Variants in UBR2 observed in about 807,000 individuals in gnomAD.
The protein encoded by UBR2 is E3 ubiquitin-protein ligase UBR2.
Under a neutral mutation model 247.9 loss-of-function variants are expected in UBR2, and 92 were observed. That is an observed-to-expected ratio of 0.37 (90% CI 0.31 to 0.44). The LOEUF is 0.44. Ranked by LOEUF, UBR2 falls within the 20% of genes least tolerant of loss-of-function variation. The pLI, the probability that UBR2 is intolerant of heterozygous loss-of-function variation, is 1.00. For synonymous variants in UBR2, 672 were observed against 693.5 expected (o/e 0.97, Z 0.49); for missense variants, 1,613 against 2,112.6 (o/e 0.76, Z 4.64).
chr6:42,635,046 G>A (rs1032395368), intron 13 of UBR2, among the ~76,000 whole-genome samples: 3 of 152,090 alleles, frequency 2.0e-5, no homozygotes, highest in Non-Finnish European at 2.9e-5. Context: ...ATAAAATACA[G>A]TTATAAATTC....
chr6:42,668,231 C>G (rs931157837), intron 34 of UBR2, among the ~76,000 whole-genome samples: 1 of 152,134 alleles, frequency 6.6e-6, no homozygotes, highest in Non-Finnish European at 1.5e-5. Flanking sequence ...TTCTTAAGTA[C>G]TTGACTCTTT....
chr6:42,658,881 A>C (rs1217339789), intron 29 of UBR2, 57 bp downstream of exon 29: 19 of 1,471,810 alleles, frequency 1.3e-5, no homozygotes, highest in Non-Finnish European at 1.5e-5. Context: ...AACTAGGGGC[A>C]GTGTTGCGTT....
chr6:42,672,354 G>A (rs746292993), intron 36 of UBR2, among the ~76,000 whole-genome samples: 5 of 151,888 alleles, frequency 3.3e-5, no homozygotes, highest in Non-Finnish European at 7.4e-5. Context: ...TTTAGCCTGG[G>A]CATTCACATT....
chr6:42,663,318 G>A lies in UBR2; in HGVS notation c.3597G>A (p.Thr1199=), dbSNP rs748364039. 13 of 1,613,722 alleles carry A rather than the reference G, an allele frequency of 8.1e-6. No homozygotes were observed. Among genetic ancestry groups the A allele is most frequent in the Non-Finnish European group, 1.1e-5 (13 of 1,179,852 alleles). The change falls in exon 32 of 47, where the codon ACG becomes ACA. Residue 1199 remains threonine (T), a synonymous_variant. Transcript: ENST00000372901. ...GGCAACAGAGATTACGCTTACATAC[G>A]AGCTATGATGTAGAAAACGGAGAAT... ...QRRQQRLRLH[T]SYDVENGEFL...
chr6:42,662,987 G>A (rs1249150690), intron 31 of UBR2, among the ~76,000 whole-genome samples: 1 of 151,416 alleles, frequency 6.6e-6, no homozygotes, highest in Non-Finnish European at 1.5e-5. Context: ...CCTTGGGGAA[G>A]TGGCAAGAGA....
At chr6:42,596,398 G>A (rs1020307567) in intron 4 of UBR2, among the ~76,000 whole-genome samples, 3 of 151,810 alleles carry the variant, frequency 2.0e-5, no homozygotes, top group Admixed American at 2.0e-4. Context: ...ATTGCTAGTG[G>A]AAATATAAAA....
chr6:42,670,029 A>C, intron 34 of UBR2, 63 bp from the exon 35 acceptor site: 886 of 1,572,128 alleles, frequency 5.6e-4, no homozygotes, highest in Non-Finnish European at 7.0e-4. Context: ...CTGTTAAGAA[A>C]CCGAACCATT....
chr6:42,591,170 T>C lies in UBR2; in HGVS notation c.339-981T>C, dbSNP rs1417191702. On this transcript the variant is annotated intron_variant, in intron 2 of 46. Coordinates refer to ENST00000372901, the MANE Select transcript of UBR2 (RefSeq NM_001363705.2). ...GGGAGGCTGAGATGGGAGGATTGCT[T>C]GAGTCCAAGAGGTTGAGGCTGCAGT... Among the ~76,000 whole-genome samples the C allele has an allele frequency of 2.0e-5, 3 of 152,316 alleles. No homozygotes were observed. The East Asian group carries it at 5.8e-4, about 29-fold the overall frequency.
At position 42,564,109 on chromosome 6, in the gene UBR2, G is replaced by C. The variant is rs1790633011; in HGVS notation, c.-211G>C. 2.5e-5 allele frequency: 14 copies of C among 568,858 alleles called. No homozygotes were observed. Among genetic ancestry groups the C allele is most frequent in the Non-Finnish European group, 3.6e-5 (12 of 329,488 alleles). 35.2% of individuals were successfully genotyped at this position (568,858 alleles called of 1,614,324 possible). ...GGGACGAGCCAGTGACTTGACTCTT[G>C]GGCGCTAAGCTTGGGAGGGAGCGCA... is the stretch of plus-strand genomic sequence containing the variant. On this transcript the variant is annotated 5_prime_UTR_variant, in exon 1 of 47. Coordinates refer to ENST00000372901, the MANE Select transcript of UBR2 (RefSeq NM_001363705.2).
chr6:42,581,214 G>A (rs1326221256), intron 2 of UBR2, among the ~76,000 whole-genome samples: 1 of 150,718 alleles, frequency 6.6e-6, no homozygotes, highest in African/African-American at 2.4e-5. Flanking sequence ...CTCCGAGACG[G>A]AGTCTCGCTC....
At chr6:42,628,304 T>C (rs1001560279) in intron 11 of UBR2, among the ~76,000 whole-genome samples, 1 of 152,182 alleles carries the variant, frequency 6.6e-6, no homozygotes, top group African/African-American at 2.4e-5. Flanking sequence ...TGTTAATAAT[T>C]ATTATGCACA....
In UBR2 at chr6:42,594,168, ATACT is replaced by A; in HGVS notation, c.418-21_418-18del. On this transcript the variant is annotated intron_variant, in intron 3 of 46. Coordinates refer to ENST00000372901, the MANE Select transcript of UBR2 (RefSeq NM_001363705.2). ...CCCTCAGTAAATATTTATTGACAAG[ATACT>A]TTACAATTTTTTTCCAAGATGACAA... 2 of 1,560,430 alleles carry A rather than the reference ATACT, an allele frequency of 1.3e-6. No individual in the cohort carries two copies. Among genetic ancestry groups the A allele is most frequent in the Non-Finnish European group, 1.8e-6 (2 of 1,133,966 alleles).
At chr6:42,618,594 G>A (rs1023416445) in intron 11 of UBR2, among the ~76,000 whole-genome samples, 6 of 152,058 alleles carry the variant, frequency 3.9e-5, no homozygotes, top group Non-Finnish European at 5.9e-5. Flanking sequence ...ACATGAGAAG[G>A]CATTAAAGAA....
At chr6:42,572,033 A>ATGC (rs982353727) in intron 1 of UBR2, among the ~76,000 whole-genome samples, 3 of 152,116 alleles carry the variant, frequency 2.0e-5, no homozygotes, top group Non-Finnish European at 4.4e-5. Context: ...CTAAGAAATG[A>ATGC]TGCTGCTGCT....
In UBR2 at chr6:42,669,653, G is replaced by T. The variant is rs144194533; in HGVS notation, c.3882-439G>T. Among the ~76,000 whole-genome samples the T allele has an allele frequency of 5.9e-5, 9 of 152,340 alleles. No individual in the cohort carries two copies. The East Asian group carries it at 1.5e-3, about 26-fold the overall frequency. On this transcript the variant is annotated intron_variant, in intron 34 of 46. Coordinates refer to ENST00000372901, the MANE Select transcript of UBR2 (RefSeq NM_001363705.2). ...GAGCATAAGGATACCTGGTGGACAGGTTGGAGCTTGCTGACTTGTAAGCCT... is the reference window on the plus strand; with the variant it reads ...GAGCATAAGGATACCTGGTGGACAGTTTGGAGCTTGCTGACTTGTAAGCCT...
At chr6:42,587,558 G>A (rs904936884) in intron 2 of UBR2, among the ~76,000 whole-genome samples, 2 of 151,954 alleles carry the variant, frequency 1.3e-5, no homozygotes, top group East Asian at 1.9e-4. Flanking sequence ...GGGTCTCACC[G>A]TGTTGCCAGG....
At position 42,648,063 on chromosome 6, in the gene UBR2, A is replaced by C. The variant is rs2273177; in HGVS notation, c.2410-55A>C. ...GGTCAATGAGATAAAACACAATGCT[A>C]AGAGTGCTAGTAGTTATTATTAACA... On this transcript the variant is annotated intron_variant, in intron 21 of 46. Transcript: ENST00000372901. 2,223 of 1,432,522 alleles carry C rather than the reference A, an allele frequency of 1.6e-3. 17 individuals are homozygous for C. Among genetic ancestry groups the C allele is most frequent in the African/African-American group, 0.015 (1,052 of 71,172 alleles). 88.7% of individuals were successfully genotyped at this position (1,432,522 alleles called of 1,614,324 possible). A position where few individuals can be genotyped will look rare whatever the true frequency, so the allele number is the denominator to read the frequency against.
rs146160329 is a variant in UBR2 at position 42,641,714 on chromosome 6, G to T, written c.2031+22G>T. 409 of 1,588,224 alleles carry T rather than the reference G, an allele frequency of 2.6e-4. No homozygotes were observed. The African/African-American group carries it at 5.0e-3, about 20-fold the overall frequency. On this transcript the variant is annotated intron_variant, in intron 17 of 46. Transcript: ENST00000372901. The stretch of plus-strand genomic sequence containing the variant: ...CCAGGTAAGTGTTTTCTAATTCTAT[G>T]AAGAGTTTTCATTCCATTCTTGGCT...
At chr6:42,575,220 T>C (rs1374965271) in intron 2 of UBR2, among the ~76,000 whole-genome samples, 2 of 152,206 alleles carry the variant, frequency 1.3e-5, no homozygotes, top group Non-Finnish European at 2.9e-5. Context: ...CTTTAAACTT[T>C]TTCCTGTAAA....
Sources: allele counts gnomAD v4.1 joint callset (sites outside exome capture counted in the v4.1 genomes callset), GRCh38; gene constraint gnomAD v4.1.1; transcripts MANE v1.5; gene names NCBI Gene and HGNC (gene_info 2026-07-23, HGNC 2026-07-21).